Variants in RBBP5 observed in about 807,000 individuals in gnomAD.
RBBP5 encodes RB binding protein 5, histone lysine methyltransferase complex subunit.
Under a neutral mutation model 72.2 loss-of-function variants are expected in RBBP5, and 5 were observed. The ratio of observed to expected loss-of-function variants is 0.07; its 90% confidence interval spans 0.04 to 0.15. RBBP5 has a LOEUF of 0.15. RBBP5 is among the 10% of genes least tolerant of loss of function. The probability of loss-of-function intolerance (pLI) is 1.00; values close to 1 mark genes in which losing one functional copy is unlikely to be tolerated. For synonymous variants in RBBP5, 209 were observed against 237.2 expected, an observed-to-expected ratio of 0.88 and a Z score of 1.09; for missense variants, 322 against 652.2, an observed-to-expected ratio of 0.49 and a Z score of 5.51.
intron 3 of RBBP5, among the ~76,000 whole-genome samples, chr1:205,105,952 T>C (rs1656046530): frequency 6.6e-6 from 1 of 152,198 alleles, no homozygotes; most frequent in African/African-American, 2.4e-5. Flanking sequence ...TAGCCTAGAC[T>C]TCACCTTTAT....
chr1:205,115,783 A>G, intron 2 of RBBP5, 75 bp downstream of exon 2: 3 of 1,440,662 alleles, frequency 2.1e-6, no homozygotes, highest in Non-Finnish European at 2.8e-6. Flanking sequence ...CAAGGATCAA[A>G]AAGTATTTTC....
intron 12 of RBBP5, 85 bp from the exon 13 acceptor site, chr1:205,095,149 G>T (rs1352541228): frequency 6.3e-6 from 8 of 1,275,502 alleles, no homozygotes; most frequent in African/African-American, 4.5e-5. Flanking sequence ...AAAGAATGTT[G>T]CTTTGTGTCC....
intron 1 of RBBP5, among the ~76,000 whole-genome samples, chr1:205,119,058 G>A (rs1000244139): frequency 2.6e-5 from 4 of 151,912 alleles, no homozygotes; most frequent in Admixed American, 6.6e-5. Context: ...GTTATCTTTC[G>A]GACCCAGGCT....
At chr1:205,118,377 C>T (rs775062112) in intron 1 of RBBP5, among the ~76,000 whole-genome samples, 2 of 151,586 alleles carry the variant, frequency 1.3e-5, no homozygotes, top group African/African-American at 2.4e-5. Context: ...TTTGGGAGGC[C>T]GAGGTGGGCA....
chr1:205,096,680 A>C lies in RBBP5; in HGVS notation c.1396+2T>G. On this transcript the variant is annotated splice_donor_variant, in intron 12 of 13. Coordinates refer to ENST00000264515, the MANE Select transcript of RBBP5 (RefSeq NM_005057.4). LOFTEE classifies it high-confidence loss of function. ...GCCAGAGGGAGAAGATGTAGCTCTT[A>C]CCATCATTTGGTACTCCTTGAAGTT... The C allele has an allele frequency of 6.2e-7, 1 of 1,613,240 alleles. No homozygotes were observed. Among genetic ancestry groups the C allele is most frequent in the Non-Finnish European group, 8.5e-7 (1 of 1,179,436 alleles).
chr1:205,110,630 ATTAT>A (rs1175856449), intron 3 of RBBP5, among the ~76,000 whole-genome samples: 1 of 151,418 alleles, frequency 6.6e-6, no homozygotes, highest in African/African-American at 2.5e-5. Context: ...ATATGTATTA[ATTAT>A]TTCCCACATA....
At chr1:205,120,849 T>C (rs4951175) in intron 1 of RBBP5, among the ~76,000 whole-genome samples, 3,579 of 152,238 alleles carry the variant, frequency 0.024, 57 homozygotes, top group East Asian at 0.065. Flanking sequence ...TTTTTCCTGG[T>C]TGACTTCTTC....
In RBBP5 at chr1:205,094,774, G is replaced by A. The variant is rs111358734; in HGVS notation, c.1588+99C>T. On this transcript the variant is annotated intron_variant, in intron 13 of 13. Transcript: ENST00000264515. Reference sequence around the variant, plus strand: ...ATTATCTGCTGCTGGGAAAAACGAGGGAAGAGAGGGGGAAAAAATGTTGCA... The same window carrying A: ...ATTATCTGCTGCTGGGAAAAACGAGAGAAGAGAGGGGGAAAAAATGTTGCA... 6 of 1,294,184 alleles carry A rather than the reference G, an allele frequency of 4.6e-6. No individual in the cohort carries two copies. In the African/African-American group the frequency reaches 7.5e-5, roughly 16 times the overall value. 80.2% of individuals were successfully genotyped at this position (1,294,184 alleles called of 1,614,324 possible).
At chr1:205,101,565 TAA>T in intron 6 of RBBP5, 33 bp downstream of exon 6, 1 of 1,503,704 alleles carries the variant, frequency 6.7e-7, no homozygotes, top group Non-Finnish European at 9.2e-7. Context: ...TATTCACTCT[TAA>T]AACTGTCCCT....
At chr1:205,108,306 C>T (rs1341687007) in intron 3 of RBBP5, among the ~76,000 whole-genome samples, 1 of 152,032 alleles carries the variant, frequency 6.6e-6, no homozygotes, top group Non-Finnish European at 1.5e-5. Flanking sequence ...CATTTTAACA[C>T]TGTCTTATGT....
intron 12 of RBBP5, among the ~76,000 whole-genome samples, chr1:205,096,141 C>A (rs747651491): frequency 7.2e-5 from 11 of 151,980 alleles, no homozygotes; most frequent in South Asian, 6.2e-4. Flanking sequence ...TGCAGTGAAC[C>A]AAGATCATGC....
At chr1:205,108,213 A>C (rs1270041296) in intron 3 of RBBP5, among the ~76,000 whole-genome samples, 1 of 151,672 alleles carries the variant, frequency 6.6e-6, no homozygotes, top group Non-Finnish European at 1.5e-5. Context: ...ATTGCACTCC[A>C]GCCTGGGTGA....
rs1444085013 is a variant in RBBP5, at chr1:205,088,632, ACTT to A, written c.*152_*154del. 2 of 683,744 alleles carry A rather than the reference ACTT, an allele frequency of 2.9e-6. No homozygotes were observed. The highest frequency in any genetic ancestry group is 3.3e-5 in the Admixed American group (1 of 30,378). The allele number at this position is 683,744 out of a possible 1,614,324, so 42.4% of individuals were successfully genotyped here. On this transcript the variant is annotated 3_prime_UTR_variant, in exon 14 of 14. Transcript: ENST00000264515. ...GTCGTATACTCTTCTTCCATAATTC[ACTT>A]CTTCATTTAAACATAAAATTCACCC...
chr1:205,098,225 T>C (rs1655690574), intron 10 of RBBP5, among the ~76,000 whole-genome samples: 1 of 152,180 alleles, frequency 6.6e-6, no homozygotes, highest in Admixed American at 6.5e-5. Flanking sequence ...ATTTTACAGA[T>C]GAGGAAATTC....
At chr1:205,113,849 G>A (rs990318081) in intron 3 of RBBP5, among the ~76,000 whole-genome samples, 3 of 151,792 alleles carry the variant, frequency 2.0e-5, no homozygotes, top group Non-Finnish European at 4.4e-5. Flanking sequence ...CATGCCTGGC[G>A]AATTTTTGTA....
intron 1 of RBBP5, 187 bp from the exon 2 acceptor site, chr1:205,116,070 G>A (rs1036437358): frequency 5.8e-6 from 7 of 1,214,610 alleles, no homozygotes; most frequent in Middle Eastern, 1.9e-4. Flanking sequence ...TCATTATCTC[G>A]GAAATATACA....
chr1:205,095,509 A>G (rs1655577261), intron 12 of RBBP5, among the ~76,000 whole-genome samples: 1 of 152,218 alleles, frequency 6.6e-6, no homozygotes, highest in Admixed American at 6.6e-5. Context: ...GTTCATGCCA[A>G]GCCACAGTAA....
intron 13 of RBBP5, among the ~76,000 whole-genome samples, chr1:205,093,478 AAATATATATATATATATATAT>A (rs1655455079): frequency 1.7e-4 from 1 of 5,720 alleles, no homozygotes; most frequent in Non-Finnish European, 4.2e-4. Flanking sequence ...AAAAAAAAAA[AAATATATATATATATATATAT>A]ATATATATAT....
intron 1 of RBBP5, among the ~76,000 whole-genome samples, chr1:205,116,883 TTTGAAACC>T (rs754137519): frequency 2.9e-4 from 44 of 152,322 alleles, no homozygotes; most frequent in Admixed American, 6.5e-4. Context: ...ACAATTACTC[TTTGAAACC>T]TTGAAACCTT....
Sources: gnomAD v4.1 joint callset for allele counts (sites outside exome capture counted in the v4.1 genomes callset) on GRCh38, gnomAD v4.1.1 for gene constraint, MANE v1.5 for transcripts, NCBI Gene and HGNC (gene_info 2026-07-23, HGNC 2026-07-21) for gene names.